Variants in RSPH14 observed in about 807,000 individuals in gnomAD.
RSPH14 encodes radial spoke head 14 homolog.
Under a neutral mutation model 26.7 loss-of-function variants are expected in RSPH14, and 20 were observed. The observed-to-expected ratio is 0.75, with a 90% CI of 0.53 to 1.09. RSPH14 has a LOEUF of 1.09. RSPH14 is among the 50% of genes least tolerant of loss of function. The probability of loss-of-function intolerance (pLI) is 0.00; values close to 1 mark genes in which losing one functional copy is unlikely to be tolerated. For missense variants in RSPH14, 449 were observed against 457.2 expected (o/e 0.98, Z 0.16); for synonymous variants, 177 against 189.3 (o/e 0.93, Z 0.53).
chr22:23,077,467 G>A (rs1011834690), intron 4 of RSPH14, among the ~76,000 whole-genome samples: 4 of 152,198 alleles, frequency 2.6e-5, no homozygotes, highest in South Asian at 4.1e-4. Flanking sequence ...CCTCCTCTTG[G>A]ATGTACACCT....
chr22:23,154,999 C>T, the RSPH14 span, among the ~76,000 whole-genome samples: 2 of 152,154 alleles, frequency 1.3e-5, no homozygotes, highest in African/African-American at 2.4e-5. Flanking sequence ...GTGGTGCATG[C>T]CTGTAATCCA....
At chr22:23,156,198 T>C in the RSPH14 span, 1 of 601,374 alleles carries the variant, frequency 1.7e-6, no homozygotes, top group Non-Finnish European at 2.9e-6. Flanking sequence ...GCTGCCTTCA[T>C]CCCCAGGCAC....
upstream of RSPH14, chr22:23,145,689 G>A (rs774382787): frequency 9.2e-7 from 1 of 1,086,082 alleles, no homozygotes; most frequent in Non-Finnish European, 1.3e-6. Context: ...CTGCGGCCCC[G>A]GGGCGTCCTC....
the RSPH14 span, chr22:23,180,583 G>A: frequency 0.085 from 3,671 of 43,092 alleles, 56 homozygotes; most frequent in African/African-American, 0.38. Context: ...CGGCGGCGGC[G>A]GCGGCGGCAC....
In RSPH14 at chr22:23,087,601, C is replaced by T. The variant is rs571616449; in HGVS notation, c.422-23468G>A. Among the ~76,000 whole-genome samples, 52 of 152,322 alleles carry T rather than the reference C, an allele frequency of 3.4e-4. 1 individual carries two copies. Among genetic ancestry groups the T allele is most frequent in the Admixed American group, 2.4e-3 (37 of 15,300 alleles). The stretch of plus-strand genomic sequence containing the variant: ...GCAGGAGACCGGAGTGTTATTATTA[C>T]TCAAATCAGTCTCCTGGAGCATTCA... On this transcript the variant is annotated intron_variant, in intron 4 of 6. Transcript: ENST00000216036.
intron 4 of RSPH14, among the ~76,000 whole-genome samples, chr22:23,118,661 ATGGT>A (rs1284071723): frequency 6.6e-6 from 1 of 152,200 alleles, no homozygotes; most frequent in Non-Finnish European, 1.5e-5. Flanking sequence ...CCATGGGGTC[ATGGT>A]TGGCAGAGGC....
At chr22:23,130,936 A>G (rs74738584) in intron 4 of RSPH14, among the ~76,000 whole-genome samples, 4,017 of 152,348 alleles carry the variant, frequency 0.026, 174 homozygotes, top group African/African-American at 0.091. Context: ...GCTGAAGGCA[A>G]ACACATTCTC....
At chr22:23,084,694 G>A (rs1044112675) in intron 4 of RSPH14, among the ~76,000 whole-genome samples, 12 of 152,218 alleles carry the variant, frequency 7.9e-5, no homozygotes, top group African/African-American at 2.7e-4. Context: ...GCAGCCTTGA[G>A]AGCTGCAGCC....
chr22:23,157,167 G>T, the RSPH14 span, among the ~76,000 whole-genome samples: 1 of 152,178 alleles, frequency 6.6e-6, no homozygotes, highest in Admixed American at 6.5e-5. Context: ...TGGCTCCCCG[G>T]AAGTTGTTTC....
At chr22:23,131,720 C>A (rs1381356025) in intron 4 of RSPH14, 1 of 1,023,322 alleles carries the variant, frequency 9.8e-7, no homozygotes, top group Non-Finnish European at 1.4e-6. Flanking sequence ...CAACCCAGCA[C>A]TGGTCCCCCA....
chr22:23,180,484 C>T, the RSPH14 span: 1 of 167,514 alleles, frequency 6.0e-6, no homozygotes, highest in Non-Finnish European at 1.3e-5. Context: ...CGGCCACCTC[C>T]CCCCGGCCCT....
intron 4 of RSPH14, among the ~76,000 whole-genome samples, chr22:23,094,554 T>A (rs538732241): frequency 6.2e-4 from 95 of 152,276 alleles, no homozygotes; most frequent in Non-Finnish European, 1.1e-3. Flanking sequence ...AGCCCCCAGC[T>A]CCTTGGTCTC....
intron 3 of RSPH14, among the ~76,000 whole-genome samples, chr22:23,138,597 G>A (rs529720058): frequency 4.6e-5 from 7 of 152,034 alleles, no homozygotes; most frequent in South Asian, 2.1e-4. Context: ...GAGAGAGAGC[G>A]CTCAGAGCTT....
At chr22:23,161,767 C>T in the RSPH14 span, 1 of 567,416 alleles carries the variant, frequency 1.8e-6, no homozygotes, top group African/African-American at 1.9e-5. Context: ...TAGAAAAGGC[C>T]CCCACTGGCT....
At chr22:23,113,101 C>A (rs143771822) in intron 4 of RSPH14, among the ~76,000 whole-genome samples, 1 of 152,112 alleles carries the variant, frequency 6.6e-6, no homozygotes, top group African/African-American at 2.4e-5. Flanking sequence ...CTGCGGCTGA[C>A]CCTGGCCAGG....
chr22:23,087,691 T>G (rs1476508475), intron 4 of RSPH14, among the ~76,000 whole-genome samples: 2 of 152,140 alleles, frequency 1.3e-5, no homozygotes, highest in Non-Finnish European at 1.5e-5. Context: ...GAGTGCTGAT[T>G]GGTCAGAGAT....
intron 4 of RSPH14, among the ~76,000 whole-genome samples, chr22:23,105,969 G>A (rs117039490): frequency 0.013 from 2,041 of 152,284 alleles, 14 homozygotes; most frequent in Non-Finnish European, 0.02. Flanking sequence ...TCCCTTTCTG[G>A]GTCTGGGTGT....
upstream of RSPH14, among the ~76,000 whole-genome samples, chr22:23,147,265 G>A (rs899283747): frequency 1.3e-5 from 2 of 152,120 alleles, no homozygotes; most frequent in African/African-American, 4.8e-5. Context: ...AACCTCCATA[G>A]GGGGCAGTGG....
At chr22:23,139,426 G>A (rs2070549607) in intron 2 of RSPH14, among the ~76,000 whole-genome samples, 1 of 152,218 alleles carries the variant, frequency 6.6e-6, no homozygotes, top group South Asian at 2.1e-4. Context: ...TTCAAGACCA[G>A]CCTGGCCAAC....
Sources: gnomAD v4.1 joint callset for allele counts (sites outside exome capture counted in the v4.1 genomes callset) on GRCh38, gnomAD v4.1.1 for gene constraint, MANE v1.5 for transcripts, NCBI Gene and HGNC (gene_info 2026-07-23, HGNC 2026-07-21) for gene names.